TENM2: variants seen among roughly 807,000 people sequenced by gnomAD.
TENM2 encodes teneurin-2.
A neutral mutation model predicts 245.2 loss-of-function variants in TENM2; 52 were observed. The observed-to-expected ratio is 0.21, with a 90% confidence interval of 0.17 to 0.27. The LOEUF (loss-of-function observed/expected upper bound fraction) is 0.27, where lower values mean the gene tolerates loss of function less well. Ranked by LOEUF, TENM2 falls within the 10% of genes least tolerant of loss-of-function variation. The pLI is 1.00. For missense variants in TENM2, 3,046 were observed against 3,666.8 expected, an observed-to-expected ratio of 0.83 and a Z score of 4.37; for synonymous variants, 1,363 against 1,438.9, an observed-to-expected ratio of 0.95 and a Z score of 1.19.
chr5:167,846,046 C>T (rs1281390028), intron 2 of TENM2, among the ~76,000 whole-genome samples: 4 of 152,200 alleles, frequency 2.6e-5, no homozygotes, highest in African/African-American at 9.7e-5. Context: ...CTCCAGTTGT[C>T]ATTGACCTCA....
the TENM2 span, among the ~76,000 whole-genome samples, chr5:167,268,437 A>T: frequency 6.6e-6 from 1 of 152,170 alleles, no homozygotes; most frequent in Non-Finnish European, 1.5e-5. Flanking sequence ...TTATTTTGTT[A>T]CATTGTACTA....
intron 2 of TENM2, among the ~76,000 whole-genome samples, chr5:167,458,737 A>T (rs1370752298): frequency 6.6e-6 from 1 of 152,118 alleles, no homozygotes; most frequent in Non-Finnish European, 1.5e-5. Context: ...ATATAAACAC[A>T]TTTTATCCTT....
the TENM2 span, among the ~76,000 whole-genome samples, chr5:167,056,100 G>C: frequency 6.6e-6 from 1 of 151,908 alleles, no homozygotes; most frequent in African/African-American, 2.4e-5. Flanking sequence ...CTATTTTGCT[G>C]AGATTTTTTT....
chr5:167,470,768 C>T (rs941983186), intron 2 of TENM2, among the ~76,000 whole-genome samples: 1 of 151,916 alleles, frequency 6.6e-6, no homozygotes, highest in African/African-American at 2.4e-5. Flanking sequence ...AGGCAAGCAA[C>T]ACAAGCGAGG....
In TENM2 at chr5:167,412,317, G is replaced by A. The variant is rs1033060845; in HGVS notation, c.502+36844G>A. 4.6e-5 allele frequency among the ~76,000 whole-genome samples: 7 copies of A among 152,064 alleles called. No homozygotes were observed. In the East Asian group the frequency reaches 1.4e-3, roughly 29 times the overall value. ...GCCTGAGGAGAAAAGAGAGGGACTTGTTAGATATGGAAATTCTTCGGCCCC... is the reference window on the plus strand; with the variant it reads ...GCCTGAGGAGAAAAGAGAGGGACTTATTAGATATGGAAATTCTTCGGCCCC... On this transcript the variant is annotated intron_variant, in intron 2 of 28. Coordinates refer to ENST00000518659, the Ensembl canonical transcript of TENM2.
chr5:167,513,684 C>T (rs1770123488), intron 2 of TENM2, among the ~76,000 whole-genome samples: 1 of 152,158 alleles, frequency 6.6e-6, no homozygotes, highest in Admixed American at 6.5e-5. Context: ...TTATTCTTAG[C>T]CTGGGGCATA....
the TENM2 span, among the ~76,000 whole-genome samples, chr5:167,261,412 A>G: frequency 6.6e-6 from 1 of 152,258 alleles, no homozygotes; most frequent in East Asian, 1.9e-4. Context: ...ATTCCATGAG[A>G]TCATGCACAT....
At chr5:167,015,208 G>A in the TENM2 span, among the ~76,000 whole-genome samples, 3 of 152,006 alleles carry the variant, frequency 2.0e-5, no homozygotes, top group African/African-American at 7.3e-5. Context: ...AATATTTTTG[G>A]TTAGTTCAGT....
chr5:167,031,095 C>T, the TENM2 span, among the ~76,000 whole-genome samples: 1 of 152,156 alleles, frequency 6.6e-6, no homozygotes, highest in Non-Finnish European at 1.5e-5. Context: ...CCCAGAAAGA[C>T]ATTTGGAAGC....
the TENM2 span, among the ~76,000 whole-genome samples, chr5:167,251,708 A>G: frequency 1.3e-5 from 2 of 152,094 alleles, no homozygotes; most frequent in Admixed American, 6.6e-5. Context: ...AATTTCCTCT[A>G]TGGGATTTTT....
chr5:167,616,621 T>C (rs1353031976), intron 2 of TENM2, among the ~76,000 whole-genome samples: 2 of 152,048 alleles, frequency 1.3e-5, no homozygotes, highest in Non-Finnish European at 2.9e-5. Context: ...TCTTCAATAT[T>C]CTTCAGAATT....
At chr5:167,194,733 C>A in the TENM2 span, among the ~76,000 whole-genome samples, 3 of 151,966 alleles carry the variant, frequency 2.0e-5, no homozygotes, top group Non-Finnish European at 2.9e-5. Context: ...CTGACATTTG[C>A]AACTCAAGGA....
At chr5:167,093,373 C>T in the TENM2 span, among the ~76,000 whole-genome samples, 71 of 152,054 alleles carry the variant, frequency 4.7e-4, no homozygotes, top group Admixed American at 1.8e-3. Flanking sequence ...TTGTATGAGC[C>T]AGGATTCTAA....
the TENM2 span, among the ~76,000 whole-genome samples, chr5:167,198,161 C>T: frequency 6.6e-6 from 1 of 152,022 alleles, no homozygotes; most frequent in Admixed American, 6.6e-5. Context: ...AACCATAGAA[C>T]GCTTCAGTCC....
chr5:167,760,430 G>T lies in TENM2; in HGVS notation c.503-115556G>T, dbSNP rs144217756. 4.0e-3 allele frequency among the ~76,000 whole-genome samples: 609 copies of T among 152,272 alleles called. 2 individuals are homozygous for T. Among genetic ancestry groups the T allele is most frequent in the African/African-American group, 0.014 (561 of 41,554 alleles). On this transcript the variant is annotated intron_variant, in intron 2 of 28. Transcript: ENST00000518659. ...GCATGGTGCTCTGTGGCCTCTGTGA[G>T]TTAGACTTAGGCCCTAACATCCAAT...
At chr5:167,171,420 G>T in the TENM2 span, among the ~76,000 whole-genome samples, 2 of 152,062 alleles carry the variant, frequency 1.3e-5, no homozygotes. Flanking sequence ...ATCAGGCAGG[G>T]GCCCAACGGG....
intron 12 of TENM2, among the ~76,000 whole-genome samples, chr5:168,157,086 G>A (rs979901685): frequency 6.6e-6 from 1 of 152,270 alleles, no homozygotes; most frequent in Non-Finnish European, 1.5e-5. Context: ...ACAGCGGGGC[G>A]GGTAGTACCA....
chr5:167,162,625 T>TA, the TENM2 span, among the ~76,000 whole-genome samples: 2,268 of 119,866 alleles, frequency 0.019, 26 homozygotes, highest in Non-Finnish European at 0.029. Context: ...AGACTGTATC[T>TA]AAAAAAAAAA....
chr5:167,669,076 T>C lies in TENM2; in HGVS notation c.503-206910T>C, dbSNP rs536182208. ...AATAAGCTGATTCTTTTATTTGGAA[T>C]TTCCAAAACGAACTTTAAAAATAAA... On this transcript the variant is annotated intron_variant, in intron 2 of 28. Coordinates refer to ENST00000518659, the Ensembl canonical transcript of TENM2. Among the ~76,000 whole-genome samples the C allele has an allele frequency of 2.4e-4, 36 of 152,360 alleles. No individual in the cohort carries two copies. In the South Asian group the frequency reaches 7.5e-3, roughly 32 times the overall value.
Sources: gnomAD v4.1 joint callset for allele counts (sites outside exome capture counted in the v4.1 genomes callset) on GRCh38, gnomAD v4.1.1 for gene constraint, MANE v1.5 for transcripts, NCBI Gene and HGNC (gene_info 2026-07-23, HGNC 2026-07-21) for gene names.